Variants in ABTB2 observed in about 807,000 individuals in gnomAD.
ABTB2 encodes the protein ankyrin repeat and BTB domain containing 2.
Under a neutral mutation model 104.1 loss-of-function variants are expected in ABTB2, and 56 were observed. The observed-to-expected ratio is 0.54, with a 90% CI of 0.43 to 0.67. The LOEUF (loss-of-function observed/expected upper bound fraction) is 0.67, where lower values mean the gene tolerates loss of function less well. ABTB2 is among the 30% of genes least tolerant of loss of function. ABTB2 has a pLI of 0.00. For missense variants in ABTB2, 1,279 were observed against 1,407.7 expected (o/e 0.91, Z 1.46); for synonymous variants, 606 against 608.2 (o/e 1.00, Z 0.05).
chr11:34,351,653 G>A (rs1028263634), intron 1 of ABTB2, among the ~76,000 whole-genome samples: 1 of 152,162 alleles, frequency 6.6e-6, no homozygotes, highest in Non-Finnish European at 1.5e-5. Flanking sequence ...CCTGTATGGC[G>A]GGATCTATCA....
In ABTB2 at chr11:34,356,617, T is replaced by C. The variant is rs1279019474; in HGVS notation, c.883+84A>G. 2 of 1,441,668 alleles carry C rather than the reference T, an allele frequency of 1.4e-6. No homozygotes were observed. The highest frequency in any genetic ancestry group is 5.4e-5 in the Admixed American group (2 of 37,184). The allele number at this position is 1,441,668 out of a possible 1,614,324, so 89.3% of individuals were successfully genotyped here. A position where few individuals can be genotyped will look rare whatever the true frequency, so the allele number is the denominator to read the frequency against. ...AAAGAACTGGCACAGCCACCAGCTT[T>C]GTCTCAGGAAATTCACTCCCCCAGT... On this transcript the variant is annotated intron_variant, in intron 1 of 16. Transcript: ENST00000435224. This position sits in a 1 kb window ranked among gnomAD's most constrained non-coding sequence, Gnocchi z 4.6.
At chr11:34,230,771 T>G (rs1473377633) in intron 1 of ABTB2, among the ~76,000 whole-genome samples, 2 of 152,222 alleles carry the variant, frequency 1.3e-5, no homozygotes, top group East Asian at 3.8e-4. Flanking sequence ...CTCAGTATGA[T>G]CTGCAAATTC....
intron 1 of ABTB2, among the ~76,000 whole-genome samples, chr11:34,267,780 T>A (rs1854268299): frequency 7.1e-6 from 1 of 141,748 alleles, no homozygotes; most frequent in Non-Finnish European, 1.5e-5. Context: ...CTTATTAAAT[T>A]GCCTTGCACA....
At chr11:34,274,823 C>A (rs1216816110) in intron 1 of ABTB2, among the ~76,000 whole-genome samples, 1 of 152,034 alleles carries the variant, frequency 6.6e-6, no homozygotes, top group Non-Finnish European at 1.5e-5. Context: ...CGCAAACGTG[C>A]CTTGAGTTTC....
In ABTB2 at chr11:34,171,037, C is replaced by G. The variant is rs372144525; in HGVS notation, c.1432G>C (p.Asp478His). Residue 478 changes from aspartate to histidine, a missense_variant, in exon 5 of 17, where the codon GAT (aspartate) becomes CAT (histidine). Coordinates refer to ENST00000435224, the MANE Select transcript of ABTB2 (RefSeq NM_145804.3). ...EHCFSSFRRLDARAATEKFNQ... is the reference protein window; with the variant it reads ...EHCFSSFRRLHARAATEKFNQ... Reference sequence around the variant, plus strand: ...AATTTTTCAGTAGCTGCTCGGGCATCCAGCCTCCGGAAGGAACTGAAACAG... The same window carrying G: ...AATTTTTCAGTAGCTGCTCGGGCATGCAGCCTCCGGAAGGAACTGAAACAG... The G allele has an allele frequency of 4.3e-6, 7 of 1,614,160 alleles. No individual in the cohort carries two copies. The South Asian group carries it at 7.7e-5, about 18-fold the overall frequency.
intron 6 of ABTB2, 42 bp downstream of exon 6, chr11:34,167,861 G>C (rs1751260530): frequency 1.3e-6 from 2 of 1,598,162 alleles, no homozygotes; most frequent in African/African-American, 1.3e-5. Context: ...AGTGATCCCT[G>C]CTGGCCTAGG....
At chr11:34,155,587 G>C (rs1852613680) in intron 14 of ABTB2, among the ~76,000 whole-genome samples, 1 of 152,266 alleles carries the variant, frequency 6.6e-6, no homozygotes, top group South Asian at 2.1e-4. Flanking sequence ...AGTAAACACA[G>C]CTCCAGCCGG....
chr11:34,244,774 G>C (rs908158598), intron 1 of ABTB2, among the ~76,000 whole-genome samples: 3 of 152,102 alleles, frequency 2.0e-5, no homozygotes, highest in African/African-American at 7.2e-5. Flanking sequence ...TTGGGAGACC[G>C]AGGAGGGTGG....
At chr11:34,152,653 A>G (rs1852561694) in intron 16 of ABTB2, 69 bp from the exon 17 acceptor site, 2 of 1,446,102 alleles carry the variant, frequency 1.4e-6, no homozygotes, top group Non-Finnish European at 1.9e-6. Context: ...TCACCCCCAA[A>G]TACTACCTAC....
Position 34,171,085 on chromosome 11 carries a change from A to C in ABTB2, c.1398-14T>G. ...CAGTGTTCGGGTCTGCCCAGAAGAG[A>C]CCCAAAGGTGCGTGTGACTGTATGC... On this transcript the variant is annotated splice_polypyrimidine_tract_variant and intron_variant, in intron 4 of 16. Transcript: ENST00000435224. The C allele has an allele frequency of 6.2e-7, 1 of 1,612,062 alleles. No homozygotes were observed. Among genetic ancestry groups the C allele is most frequent in the Non-Finnish European group, 8.5e-7 (1 of 1,178,984 alleles).
At chr11:34,307,091 G>T (rs12787084) in intron 1 of ABTB2, among the ~76,000 whole-genome samples, 3,661 of 151,572 alleles carry the variant, frequency 0.024, 82 homozygotes, top group Middle Eastern at 0.041. Flanking sequence ...CTCCCTGAAT[G>T]AATTCGTCTG....
chr11:34,336,066 A>G, intron 1 of ABTB2: 1 of 377,316 alleles, frequency 2.7e-6, no homozygotes. Flanking sequence ...AGTCACCACC[A>G]CTGTCTCCAG....
At chr11:34,246,323 TG>T (rs1853982384) in intron 1 of ABTB2, among the ~76,000 whole-genome samples, 1 of 152,082 alleles carries the variant, frequency 6.6e-6, no homozygotes, top group African/African-American at 2.4e-5. Context: ...AATCTTGGGC[TG>T]GGTGTGGTGG....
In ABTB2 at chr11:34,252,368, T is replaced by C. The variant is rs1206940276; in HGVS notation, c.884-47678A>G. On this transcript the variant is annotated intron_variant, in intron 1 of 16. Transcript: ENST00000435224. The surrounding 1 kb of genome is among the most constrained non-coding windows in gnomAD (Gnocchi z 5.5). ...CTTGGGGCTGACTTCCCTTTAGGAATAGGTGTCTTTGGAGCATCCAGGCAG... is the reference window on the plus strand; with the variant it reads ...CTTGGGGCTGACTTCCCTTTAGGAACAGGTGTCTTTGGAGCATCCAGGCAG... Among the ~76,000 whole-genome samples the C allele has an allele frequency of 3.9e-5, 6 of 152,186 alleles. No individual in the cohort carries two copies. Among genetic ancestry groups the C allele is most frequent in the Non-Finnish European group, 7.3e-5 (5 of 68,036 alleles).
chr11:34,174,795 G>C (rs1031700243), intron 3 of ABTB2, among the ~76,000 whole-genome samples: 6 of 142,958 alleles, frequency 4.2e-5, no homozygotes, highest in Non-Finnish European at 7.4e-5. Flanking sequence ...CTCCATCACA[G>C]GAACAAGGCA....
chr11:34,160,119 G>C, intron 12 of ABTB2, 111 bp from the exon 13 acceptor site: 1 of 1,252,598 alleles, frequency 8.0e-7, no homozygotes. Flanking sequence ...ACAGAGGTGA[G>C]GAACAGAGAA....
chr11:34,248,340 A>G (rs941767084), intron 1 of ABTB2, among the ~76,000 whole-genome samples: 1 of 151,970 alleles, frequency 6.6e-6, no homozygotes, highest in African/African-American at 2.4e-5. Context: ...TGATCCTCCC[A>G]TCTCAGCCTC....
Position 34,154,283 on chromosome 11 carries a change from G to A in ABTB2, c.2862C>T (p.Asn954=). Residue 954 remains asparagine (N), a synonymous_variant, in exon 16 of 17, where the codon AAC becomes AAT. Coordinates refer to ENST00000435224, the MANE Select transcript of ABTB2 (RefSeq NM_145804.3). This position sits in a 1 kb window ranked among gnomAD's most constrained non-coding sequence, Gnocchi z 4.9. ...SQTLSMESAV[N]TYKYAKIHNA... is the part of the protein sequence containing the mutation. ...CCCTCACCTTGGCATATTTGTAGGT[G>A]TTCACGGCACTCTCCATGCTGAGGG... 4.3e-6 allele frequency: 7 copies of A among 1,613,912 alleles called. No homozygotes were observed. The highest frequency in any genetic ancestry group is 5.9e-6 in the Non-Finnish European group (7 of 1,179,870).
chr11:34,262,826 T>C (rs1253356979), intron 1 of ABTB2, among the ~76,000 whole-genome samples: 1 of 152,194 alleles, frequency 6.6e-6, no homozygotes, highest in Non-Finnish European at 1.5e-5. Context: ...GATTGTCACC[T>C]GCAAACCCTC....
Sources: allele counts gnomAD v4.1 joint callset (sites outside exome capture counted in the v4.1 genomes callset), GRCh38; gene constraint gnomAD v4.1.1; non-coding constraint Gnocchi (gnomAD v3.1); transcripts MANE v1.5; gene names NCBI Gene and HGNC (gene_info 2026-07-23, HGNC 2026-07-21).